The following C8orf34 variants were observed in gnomAD, a reference collection of about 807,000 sequenced individuals.
The protein encoded by C8orf34 is uncharacterized protein C8orf34.
In C8orf34, 65 loss-of-function variants were observed where a neutral mutation model predicts 68.3. The ratio of observed to expected loss-of-function variants is 0.95; its 90% CI spans 0.78 to 1.17. The LOEUF (loss-of-function observed/expected upper bound fraction) is 1.17. C8orf34 is among the 50% of genes most tolerant of loss of function. The probability of loss-of-function intolerance (pLI) is 0.00; values close to 1 mark genes in which losing one functional copy is unlikely to be tolerated. For missense variants in C8orf34, 664 were observed against 655.4 expected, an observed-to-expected ratio of 1.01 and a Z score of -0.14; for synonymous variants, 244 against 241.2, an observed-to-expected ratio of 1.01 and a Z score of -0.11.
At chr8:68,662,283 C>A (rs1819702520) in intron 8 of C8orf34, among the ~76,000 whole-genome samples, 1 of 152,140 alleles carries the variant, frequency 6.6e-6, no homozygotes, top group African/African-American at 2.4e-5. Context: ...TGTGTGTCAA[C>A]CTTTAGTCTC....
chr8:68,721,347 A>G lies in C8orf34; in HGVS notation c.1328-14A>G. Reference sequence around the variant, plus strand: ...TGTGAGTATAATTTATTCATTTTTTAAAAATAAAAATAGATTCCTTGCCTG... The same window carrying G: ...TGTGAGTATAATTTATTCATTTTTTGAAAATAAAAATAGATTCCTTGCCTG... On this transcript the variant is annotated splice_polypyrimidine_tract_variant and intron_variant, in intron 9 of 13. Coordinates refer to ENST00000518698, the MANE Select transcript of C8orf34 (RefSeq NM_052958.4). The G allele has an allele frequency of 3.8e-6, 6 of 1,562,168 alleles. No homozygotes were observed. Among genetic ancestry groups the G allele is most frequent in the Non-Finnish European group, 5.3e-6 (6 of 1,140,642 alleles).
At chr8:68,650,785 A>G (rs947546978) in intron 8 of C8orf34, among the ~76,000 whole-genome samples, 1 of 151,966 alleles carries the variant, frequency 6.6e-6, no homozygotes, top group African/African-American at 2.4e-5. Context: ...GGCCCACCCT[A>G]GTCTTTTATT....
At chr8:68,391,674 G>T (rs1463062555) in intron 1 of C8orf34, among the ~76,000 whole-genome samples, 1 of 152,156 alleles carries the variant, frequency 6.6e-6, no homozygotes, top group Non-Finnish European at 1.5e-5. Flanking sequence ...TAAAATCTCA[G>T]TAGCTTAAAC....
At chr8:68,752,598 A>T (rs1363914279) in intron 10 of C8orf34, among the ~76,000 whole-genome samples, 1 of 152,210 alleles carries the variant, frequency 6.6e-6, no homozygotes, top group African/African-American at 2.4e-5. Context: ...AAGAATTCAG[A>T]TAGGAAATAT....
intron 7 of C8orf34, among the ~76,000 whole-genome samples, chr8:68,600,571 T>C (rs1817670250): frequency 1.3e-5 from 2 of 152,122 alleles, no homozygotes; most frequent in South Asian, 4.1e-4. Context: ...TGCCCTCTAT[T>C]CCTAAAGCAT....
intron 7 of C8orf34, among the ~76,000 whole-genome samples, chr8:68,630,256 T>G (rs1474303859): frequency 1.3e-5 from 2 of 152,126 alleles, no homozygotes; most frequent in Non-Finnish European, 2.9e-5. Flanking sequence ...AAAATTAATT[T>G]TAATAGCACA....
intron 1 of C8orf34, among the ~76,000 whole-genome samples, chr8:68,382,599 C>A (rs1338995460): frequency 6.6e-6 from 1 of 152,148 alleles, no homozygotes; most frequent in Non-Finnish European, 1.5e-5. Flanking sequence ...CCCATCTATT[C>A]CACACAGTAA....
intron 13 of C8orf34, 147 bp from the exon 14 acceptor site, chr8:68,818,092 A>C (rs540852446): frequency 1.5e-6 from 1 of 678,228 alleles, no homozygotes; most frequent in Non-Finnish European, 2.6e-6. Context: ...AAATATGATT[A>C]ATAGAGGTAG....
At chr8:68,719,381 A>C (rs1466461669) in intron 9 of C8orf34, among the ~76,000 whole-genome samples, 1 of 152,042 alleles carries the variant, frequency 6.6e-6, no homozygotes. Flanking sequence ...GGGAGAATTC[A>C]ACAAAAATGA....
chr8:68,715,497 G>A (rs1821445884), intron 9 of C8orf34, among the ~76,000 whole-genome samples: 1 of 152,014 alleles, frequency 6.6e-6, no homozygotes, highest in Non-Finnish European at 1.5e-5. Flanking sequence ...GAGGATATAT[G>A]AGTGGCCAAA....
chr8:68,664,639 C>T (rs1314165661), intron 8 of C8orf34, among the ~76,000 whole-genome samples: 1 of 152,204 alleles, frequency 6.6e-6, no homozygotes. Context: ...GGATGTCACC[C>T]CATTGAACAC....
intron 4 of C8orf34, among the ~76,000 whole-genome samples, chr8:68,477,619 A>G (rs1431470344): frequency 2.6e-5 from 4 of 152,190 alleles, no homozygotes; most frequent in African/African-American, 9.6e-5. Flanking sequence ...AAGGAGGGAT[A>G]CCTGAGGCTG....
chr8:68,671,023 T>G (rs16934892), intron 8 of C8orf34, among the ~76,000 whole-genome samples: 10,654 of 152,220 alleles, frequency 0.07, 534 homozygotes, highest in African/African-American at 0.14. Flanking sequence ...AATGTGAATA[T>G]TATGCACTCA....
intron 1 of C8orf34, among the ~76,000 whole-genome samples, chr8:68,344,623 T>C (rs1436648900): frequency 6.6e-6 from 1 of 152,168 alleles, no homozygotes; most frequent in East Asian, 1.9e-4. Flanking sequence ...CTTCAAAATA[T>C]AAAGTTTAAT....
intron 7 of C8orf34, among the ~76,000 whole-genome samples, chr8:68,553,693 C>T (rs1461587840): frequency 6.6e-6 from 1 of 151,888 alleles, no homozygotes; most frequent in African/African-American, 2.4e-5. Context: ...CAGTAGCCCC[C>T]TTTTTTATTT....
intron 1 of C8orf34, among the ~76,000 whole-genome samples, chr8:68,404,860 C>G (rs557229267): frequency 2.0e-5 from 3 of 151,828 alleles, no homozygotes; most frequent in Non-Finnish European, 4.4e-5. Flanking sequence ...TATGTGGGCT[C>G]TTTTTTTGAA....
chr8:68,439,801 A>G (rs1288916661), intron 2 of C8orf34, among the ~76,000 whole-genome samples, 155 bp downstream of exon 2: 1 of 152,218 alleles, frequency 6.6e-6, no homozygotes, highest in Non-Finnish European at 1.5e-5. Context: ...AATTTGTCAT[A>G]AATTATTAAA....
At chr8:68,482,853 G>A (rs1812919362) in intron 4 of C8orf34, among the ~76,000 whole-genome samples, 1 of 152,262 alleles carries the variant, frequency 6.6e-6, no homozygotes, top group Non-Finnish European at 1.5e-5. Flanking sequence ...GTATGGGCCA[G>A]CTCTAGCATA....
chr8:68,549,052 A>G (rs1241431347), intron 7 of C8orf34, among the ~76,000 whole-genome samples: 2 of 151,766 alleles, frequency 1.3e-5, no homozygotes, highest in Non-Finnish European at 3.0e-5. Flanking sequence ...AGAGCAACAG[A>G]GAGAAATTCT....
Sources: allele counts gnomAD v4.1 joint callset (sites outside exome capture counted in the v4.1 genomes callset), GRCh38; gene constraint gnomAD v4.1.1; transcripts MANE v1.5; gene names NCBI Gene and HGNC (gene_info 2026-07-23, HGNC 2026-07-21).